The following MRPS28 variants were observed in gnomAD, a reference collection of about 807,000 sequenced individuals.
MRPS28 encodes small ribosomal subunit protein bS1m.
Under a neutral mutation model 10.8 loss-of-function variants are expected in MRPS28, and 7 were observed. The observed-to-expected ratio is 0.65, with a 90% CI of 0.37 to 1.22. The LOEUF is 1.22. MRPS28 is among the 50% of genes most tolerant of loss of function. The probability of loss-of-function intolerance (pLI) is 0.02; values close to 1 mark genes in which losing one functional copy is unlikely to be tolerated. For synonymous variants in MRPS28, 121 were observed against 93.3 expected (o/e 1.30, Z -1.71); for missense variants, 265 against 232.9 (o/e 1.14, Z -0.90).
chr8:80,024,112 C>G (rs373372134), intron 1 of MRPS28, among the ~76,000 whole-genome samples: 20 of 152,078 alleles, frequency 1.3e-4, no homozygotes, highest in African/African-American at 4.1e-4. Flanking sequence ...CAGCTATGGT[C>G]CCAGCTTCTC....
At chr8:80,026,838 A>T (rs1809504070) in intron 1 of MRPS28, among the ~76,000 whole-genome samples, 1 of 152,134 alleles carries the variant, frequency 6.6e-6, no homozygotes, top group South Asian at 2.1e-4. Context: ...TGTCTCTTTG[A>T]ATGACACAGC....
At chr8:79,963,880 G>A (rs1186583039) in intron 2 of MRPS28, among the ~76,000 whole-genome samples, 2 of 152,082 alleles carry the variant, frequency 1.3e-5, no homozygotes, top group Non-Finnish European at 2.9e-5. Flanking sequence ...GGTCAAGTGA[G>A]AACTGAAAGT....
At chr8:79,933,086 T>C (rs1231361466) in intron 2 of MRPS28, among the ~76,000 whole-genome samples, 1 of 152,220 alleles carries the variant, frequency 6.6e-6, no homozygotes, top group Non-Finnish European at 1.5e-5. Flanking sequence ...TCTACAACAA[T>C]GTGTACTCCT....
At chr8:79,919,955 A>C in intron 2 of MRPS28, among the ~76,000 whole-genome samples, 1 of 69,460 alleles carries the variant, frequency 1.4e-5, no homozygotes, top group South Asian at 5.7e-4. Flanking sequence ...CCCACCCCAT[A>C]ACAGGCCCCG....
intron 1 of MRPS28, among the ~76,000 whole-genome samples, chr8:80,026,232 T>C (rs973316218): frequency 1.3e-5 from 2 of 152,214 alleles, no homozygotes; most frequent in African/African-American, 4.8e-5. Flanking sequence ...TTTTCACAAG[T>C]TGAATTCCTA....
chr8:80,010,159 T>C (rs1425714889), intron 1 of MRPS28, among the ~76,000 whole-genome samples: 1 of 152,216 alleles, frequency 6.6e-6, no homozygotes, highest in Non-Finnish European at 1.5e-5. Flanking sequence ...ACACATTTTT[T>C]CCAAATCCGT....
At chr8:79,955,400 G>C (rs1427383393) in intron 2 of MRPS28, among the ~76,000 whole-genome samples, 1 of 152,148 alleles carries the variant, frequency 6.6e-6, no homozygotes, top group Admixed American at 6.5e-5. Flanking sequence ...TATCTCCTTA[G>C]CTAGATCCTC....
At chr8:79,980,328 C>G (rs1807921777) in intron 2 of MRPS28, among the ~76,000 whole-genome samples, 1 of 152,158 alleles carries the variant, frequency 6.6e-6, no homozygotes, top group Admixed American at 6.5e-5. Flanking sequence ...AGGCCATGAT[C>G]TTAACTAGTA....
At chr8:79,996,022 G>T (rs1808493505) in intron 2 of MRPS28, among the ~76,000 whole-genome samples, 1 of 152,028 alleles carries the variant, frequency 6.6e-6, no homozygotes, top group African/African-American at 2.4e-5. Context: ...ATACAATATA[G>T]AAATTAATGT....
chr8:79,975,843 CAGAT>C (rs931781090), intron 2 of MRPS28, among the ~76,000 whole-genome samples: 5 of 152,014 alleles, frequency 3.3e-5, no homozygotes, highest in Non-Finnish European at 7.4e-5. Flanking sequence ...AGGAAATAAT[CAGAT>C]AGTTATACCA....
chr8:79,979,915 CAAAAAAAAAAAAAAAA>C (rs61633169), intron 2 of MRPS28, among the ~76,000 whole-genome samples: 1,919 of 31,456 alleles, frequency 0.061, 113 homozygotes, highest in African/African-American at 0.17. Flanking sequence ...GATTCTCACG[CAAAAAAAAAAAAAAAA>C]AAAAAAAAAA....
chr8:80,030,192 C>T lies in MRPS28; in HGVS notation c.57G>A (p.Val19=). 6.2e-7 allele frequency: 1 copy of T among 1,614,250 alleles called. No individual in the cohort carries two copies. Among genetic ancestry groups the T allele is most frequent in the Non-Finnish European group, 8.5e-7 (1 of 1,180,044 alleles). The change falls in exon 1 of 3, where the codon GTG becomes GTA. Residue 19 remains valine (V), a synonymous_variant. Transcript: ENST00000276585. Reference sequence around the variant, plus strand: ...CCCGAAAGGGCCTGAAGAAGAGAAACACTCGCAGAAAATGGCTCTCGGCAG... The same window carrying T: ...CCCGAAAGGGCCTGAAGAAGAGAAATACTCGCAGAAAATGGCTCTCGGCAG... ...AVAAESHFLR[V]FLFFRPFRGV...
chr8:79,924,815 CT>C (rs1810190583), intron 2 of MRPS28, among the ~76,000 whole-genome samples: 1 of 152,142 alleles, frequency 6.6e-6, no homozygotes, highest in Non-Finnish European at 1.5e-5. Flanking sequence ...TAGTCTATTG[CT>C]TCTTTCCATT....
chr8:79,924,341 G>A (rs777215377), intron 2 of MRPS28, among the ~76,000 whole-genome samples: 2 of 152,002 alleles, frequency 1.3e-5, no homozygotes, highest in African/African-American at 2.4e-5. Flanking sequence ...ATTTCTAAAG[G>A]TTTAATTAAC....
intron 2 of MRPS28, chr8:79,956,528 C>T (rs1425562228): frequency 2.0e-5 from 3 of 152,068 alleles, no homozygotes; most frequent in Admixed American, 2.0e-4. Context: ...AGGTTTGTTA[C>T]ATAGGTAAAC....
chr8:80,025,277 A>G (rs1198060608), intron 1 of MRPS28, among the ~76,000 whole-genome samples: 1 of 152,210 alleles, frequency 6.6e-6, no homozygotes, highest in African/African-American at 2.4e-5. Flanking sequence ...TCCAATTTCT[A>G]TATTTTGCTT....
At chr8:80,021,640 G>T (rs977403905) in intron 1 of MRPS28, among the ~76,000 whole-genome samples, 1 of 152,040 alleles carries the variant, frequency 6.6e-6, no homozygotes, top group Non-Finnish European at 1.5e-5. Flanking sequence ...GGATTTTTCT[G>T]GTATTCTACA....
intron 1 of MRPS28, among the ~76,000 whole-genome samples, chr8:80,008,856 A>G (rs573863884): frequency 9.9e-4 from 151 of 152,354 alleles, no homozygotes; most frequent in African/African-American, 3.0e-3. Flanking sequence ...CCATTGTGGA[A>G]GACAGTGTGG....
intron 1 of MRPS28, chr8:80,029,795 G>A (rs1170071079): frequency 4.1e-5 from 63 of 1,519,360 alleles, no homozygotes; most frequent in East Asian, 3.5e-4. Flanking sequence ...GAAAACAAGC[G>A]CAGTGTGGAC....
Sources: gnomAD v4.1 joint callset for allele counts (sites outside exome capture counted in the v4.1 genomes callset) on GRCh38, gnomAD v4.1.1 for gene constraint, MANE v1.5 for transcripts, NCBI Gene and HGNC (gene_info 2026-07-23, HGNC 2026-07-21) for gene names.